The following ADGRV1 variants were observed in gnomAD, a reference collection of about 807,000 sequenced individuals.
ADGRV1 encodes G-protein coupled receptor 98.
ADGRV1 carries 359 observed loss-of-function variants against 596.2 expected under a neutral mutation model. The observed-to-expected ratio is 0.60, with a 90% CI of 0.55 to 0.66. The LOEUF is 0.66. Among genes scored for constraint, ADGRV1 ranks in the 30% least tolerant of loss-of-function variants. ADGRV1 has a pLI of 0.00. For synonymous variants in ADGRV1, 2,681 were observed against 2,679.2 expected (o/e 1.00, Z -0.02); for missense variants, 7,274 against 7,575.6 (o/e 0.96, Z 1.48).
In ADGRV1 at chr5:90,823,450, T is replaced by C; in HGVS notation, c.16222T>C (p.Trp5408Arg). 3.1e-6 allele frequency: 5 copies of C among 1,613,840 alleles called. No individual in the cohort carries two copies. Among genetic ancestry groups the C allele is most frequent in the Non-Finnish European group, 4.2e-6 (5 of 1,179,848 alleles). Reference protein sequence around the residue: ...NRAFEDVKVFWRVTLNKTVVV... With the variant: ...NRAFEDVKVFRRVTLNKTVVV... ...GGCCTTTGAAGATGTCAAGGTCTTT[T>C]GGCGAGTCACACTTAACAAAACAGT... Residue 5408 changes from tryptophan (W) to arginine (R), a missense_variant, in exon 76 of 90, where the codon TGG becomes CGG. This residue lies in a region of ADGRV1 where 1,874 missense variants were observed against 1,970.2 expected (regional missense o/e 0.95). Coordinates refer to ENST00000405460, the MANE Select transcript of ADGRV1 (RefSeq NM_032119.4).
At chr5:90,671,898 T>TA (rs1772521447) in intron 21 of ADGRV1, among the ~76,000 whole-genome samples, 3 of 152,220 alleles carry the variant, frequency 2.0e-5, no homozygotes, top group Middle Eastern at 3.4e-3. Flanking sequence ...TTGAAAAAAA[T>TA]ACCTCTAGGT....
intron 1 of ADGRV1, among the ~76,000 whole-genome samples, chr5:90,577,501 G>A (rs1479074010): frequency 6.6e-6 from 1 of 152,202 alleles, no homozygotes; most frequent in Non-Finnish European, 1.5e-5. Context: ...CCAGTACCAT[G>A]CTGTTTTGGT....
At chr5:90,583,442 T>C (rs656679) in intron 1 of ADGRV1, among the ~76,000 whole-genome samples, 84,860 of 151,924 alleles carry the variant, frequency 0.56, 24,961 homozygotes, top group African/African-American at 0.75. Context: ...TGTTTTATAA[T>C]GATTTTTAGT....
chr5:90,703,906 C>T (rs1295861914), intron 35 of ADGRV1, 111 bp downstream of exon 35: 5 of 746,542 alleles, frequency 6.7e-6, no homozygotes, highest in Non-Finnish European at 1.1e-5. Context: ...CTCTCTTCTC[C>T]AGACCTACTT....
At chr5:91,062,130 C>G (rs1787491438) in intron 85 of ADGRV1, among the ~76,000 whole-genome samples, 1 of 152,200 alleles carries the variant, frequency 6.6e-6, no homozygotes, top group Non-Finnish European at 1.5e-5. Flanking sequence ...TGTGTTGTTA[C>G]TTGCATCTGA....
Position 90,802,815 on chromosome 5 carries a change from T to C in ADGRV1, c.14594T>C (p.Met4865Thr), listed in dbSNP as rs1761514938. 1 of 1,612,610 alleles carries C rather than the reference T, an allele frequency of 6.2e-7. No homozygotes were observed. Among genetic ancestry groups the C allele is most frequent in the Non-Finnish European group, 8.5e-7 (1 of 1,179,396 alleles). The part of the protein sequence containing the change: ...VMLVGGRFYG[M>T]PTILQEAKSA... ...CTTGTCGGTGGACGTTTCTATGGAATGCCAACAATTCTTCAGGAAGCAAAA... is the reference window on the plus strand; with the variant it reads ...CTTGTCGGTGGACGTTTCTATGGAACGCCAACAATTCTTCAGGAAGCAAAA... Residue 4865 changes from methionine to threonine, a missense_variant, in exon 71 of 90, where the codon ATG becomes ACG. Coordinates refer to ENST00000405460, the MANE Select transcript of ADGRV1 (RefSeq NM_032119.4).
chr5:90,664,884 G>C (rs944420645), intron 21 of ADGRV1, among the ~76,000 whole-genome samples: 4 of 150,792 alleles, frequency 2.7e-5, no homozygotes, highest in African/African-American at 4.9e-5. Context: ...TGTGGTTTTT[G>C]TCTTTGGCTC....
At chr5:90,834,078 A>G (rs1416637073) in intron 77 of ADGRV1, among the ~76,000 whole-genome samples, 4 of 152,148 alleles carry the variant, frequency 2.6e-5, no homozygotes. Flanking sequence ...TTCTATTTAT[A>G]TCTTATTATA....
At chr5:91,124,870 C>G (rs1793616173) in intron 87 of ADGRV1, among the ~76,000 whole-genome samples, 1 of 152,088 alleles carries the variant, frequency 6.6e-6, no homozygotes, top group Admixed American at 6.6e-5. Context: ...TAATTAATTT[C>G]TAAAGACATT....
At chr5:90,926,831 G>A (rs1774529722) in intron 83 of ADGRV1, among the ~76,000 whole-genome samples, 1 of 151,322 alleles carries the variant, frequency 6.6e-6, no homozygotes, top group Admixed American at 6.6e-5. Flanking sequence ...CTGGTATGTT[G>A]TGTCTTTGTT....
chr5:90,756,573 G>C lies in ADGRV1; in HGVS notation c.11700G>C (p.Glu3900Asp). The change falls in exon 56 of 90, where the codon GAG (glutamate) becomes GAC (aspartate). Residue 3900 changes from glutamate (E) to aspartate (D), a missense_variant. By Grantham distance (45) the Glu-to-Asp change is conservative. Coordinates refer to ENST00000405460, the MANE Select transcript of ADGRV1 (RefSeq NM_032119.4). ...SVRRPGMEIA[E>D]IMIEENDDPR... ...GGAGGCCCGGAATGGAAATAGCTGAGATAATGATAGAAGAAAATGACGATC... is the reference window on the plus strand; with the variant it reads ...GGAGGCCCGGAATGGAAATAGCTGACATAATGATAGAAGAAAATGACGATC... 6.2e-7 allele frequency: 1 copy of C among 1,613,772 alleles called. No homozygotes were observed. The highest frequency in any genetic ancestry group is 8.5e-7 in the Non-Finnish European group (1 of 1,179,718).
At chr5:91,156,804 G>T (rs181780605) in intron 89 of ADGRV1, among the ~76,000 whole-genome samples, 1 of 152,192 alleles carries the variant, frequency 6.6e-6, no homozygotes, top group Admixed American at 6.5e-5. Flanking sequence ...CCTAGAATAT[G>T]GTCAAATAAA....
chr5:90,681,464 T>G lies in ADGRV1; in HGVS notation c.5664+10T>G. The G allele has an allele frequency of 6.2e-7, 1 of 1,601,268 alleles. No homozygotes were observed. The highest frequency in any genetic ancestry group is 2.2e-5 in the East Asian group (1 of 44,570). On this transcript the variant is annotated intron_variant, in intron 27 of 89. Coordinates refer to ENST00000405460, the MANE Select transcript of ADGRV1 (RefSeq NM_032119.4). ...CACTGTTACATTAAATGTGAGTACC[T>G]TTTCTTCCTTCATTCCTAGACACTT... is the stretch of plus-strand genomic sequence containing the variant.
At chr5:90,834,472 C>T (rs1282055613) in intron 77 of ADGRV1, among the ~76,000 whole-genome samples, 2 of 152,122 alleles carry the variant, frequency 1.3e-5, no homozygotes, top group African/African-American at 4.8e-5. Flanking sequence ...ACTCTCCTGG[C>T]CTGTAAGGTT....
At chr5:91,040,305 T>C (rs1267883188) in intron 85 of ADGRV1, among the ~76,000 whole-genome samples, 2 of 152,172 alleles carry the variant, frequency 1.3e-5, no homozygotes, top group Non-Finnish European at 2.9e-5. Flanking sequence ...TTTCAAGCCT[T>C]CTCTGAGATC....
intron 84 of ADGRV1, 108 bp downstream of exon 84, chr5:90,965,639 C>A: frequency 1.7e-6 from 1 of 581,752 alleles, no homozygotes; most frequent in African/African-American, 1.8e-5. Flanking sequence ...TTCCGTATAT[C>A]CATCACTGCA....
intron 70 of ADGRV1, chr5:90,792,709 G>A (rs1760220354): frequency 1.3e-5 from 2 of 152,188 alleles, no homozygotes; most frequent in South Asian, 4.1e-4. Context: ...TGAAATAAAT[G>A]TGAGCTATAC....
intron 86 of ADGRV1, among the ~76,000 whole-genome samples, chr5:91,098,352 T>A (rs1327330327): frequency 6.6e-6 from 1 of 151,770 alleles, no homozygotes; most frequent in Non-Finnish European, 1.5e-5. Flanking sequence ...GGGTTAAAGG[T>A]GCCTCCTCAG....
chr5:91,056,799 C>A (rs1290852294), intron 85 of ADGRV1, among the ~76,000 whole-genome samples: 1 of 152,084 alleles, frequency 6.6e-6, no homozygotes, highest in Non-Finnish European at 1.5e-5. Context: ...ACTCCTGGGC[C>A]AAAATGCATT....
Sources: allele counts gnomAD v4.1 joint callset (sites outside exome capture counted in the v4.1 genomes callset), GRCh38; gene constraint gnomAD v4.1.1; regional missense constraint gnomAD v4.1.1; transcripts MANE v1.5; gene names NCBI Gene and HGNC (gene_info 2026-07-23, HGNC 2026-07-21).